ABLIM1: variants seen among roughly 807,000 people sequenced by gnomAD.
The protein encoded by ABLIM1 is actin-binding LIM protein 1.
A neutral mutation model predicts 107.0 loss-of-function variants in ABLIM1; 40 were observed. The ratio of observed to expected loss-of-function variants is 0.37; its 90% CI spans 0.29 to 0.49. The LOEUF (loss-of-function observed/expected upper bound fraction) is 0.49, where lower values mean the gene tolerates loss of function less well. ABLIM1 is among the 20% of genes least tolerant of loss of function. The probability of loss-of-function intolerance (pLI) is 0.97; values close to 1 mark genes in which losing one functional copy is unlikely to be tolerated. For synonymous variants in ABLIM1, 357 were observed against 357.3 expected (o/e 1.00, Z 0.01); for missense variants, 857 against 1,008.5 (o/e 0.85, Z 2.04).
intron 2 of ABLIM1, among the ~76,000 whole-genome samples, chr10:114,583,229 A>T (rs1175164872): frequency 6.6e-6 from 1 of 151,516 alleles, no homozygotes; most frequent in East Asian, 1.9e-4. Flanking sequence ...GATATGCAAG[A>T]AGCCAACAGA....
rs1185316501 is a variant in ABLIM1 at position 114,434,282 on chromosome 10, C to CAT, written c.*1977_*1978insAT. On this transcript the variant is annotated 3_prime_UTR_variant, in exon 23 of 23. Coordinates refer to ENST00000533213, the MANE Select transcript of ABLIM1 (RefSeq NM_002313.7). ...TTGCTAAACATGTTAGTAGATCCAA[C>CAT]ACACACACACACACACACACACACA... is the stretch of plus-strand genomic sequence containing the variant. 1.3e-4 allele frequency: 3 copies of CAT among 23,790 alleles called. No individual in the cohort carries two copies. Among genetic ancestry groups the CAT allele is most frequent in the Admixed American group, 1.1e-3 (3 of 2,776 alleles). 1.5% of individuals were successfully genotyped at this position (23,790 alleles called of 1,614,324 possible). A position where few individuals can be genotyped will look rare whatever the true frequency, so the allele number is the denominator to read the frequency against.
intron 15 of ABLIM1, among the ~76,000 whole-genome samples, chr10:114,445,833 C>T (rs2060934218): frequency 6.6e-6 from 1 of 152,176 alleles, no homozygotes; most frequent in African/African-American, 2.4e-5. Context: ...TACAGTGATG[C>T]AATCATGGCT....
intron 1 of ABLIM1, among the ~76,000 whole-genome samples, chr10:114,732,471 AC>A (rs879763090): frequency 1.3e-5 from 2 of 151,478 alleles, no homozygotes; most frequent in Admixed American, 6.6e-5. Context: ...TGAAAAATAG[AC>A]CCTTATCAGA....
At chr10:114,667,223 TG>T (rs2080063428) in intron 1 of ABLIM1, among the ~76,000 whole-genome samples, 1 of 152,218 alleles carries the variant, frequency 6.6e-6, no homozygotes, top group Admixed American at 6.5e-5. Flanking sequence ...TTAGAAGCAT[TG>T]GAAGTTTCCA....
intron 1 of ABLIM1, among the ~76,000 whole-genome samples, chr10:114,711,555 C>T (rs2081547670): frequency 6.6e-6 from 1 of 152,126 alleles, no homozygotes; most frequent in Admixed American, 6.6e-5. Context: ...TACAATCAAA[C>T]TGGAGAACTT....
intron 1 of ABLIM1, among the ~76,000 whole-genome samples, chr10:114,752,265 C>T (rs768263145): frequency 3.9e-5 from 6 of 152,154 alleles, no homozygotes; most frequent in Non-Finnish European, 5.9e-5. Context: ...CATGACCACA[C>T]AGCTGGAAGA....
chr10:114,495,829 G>A (rs1036077090), intron 6 of ABLIM1, among the ~76,000 whole-genome samples: 1 of 152,206 alleles, frequency 6.6e-6, no homozygotes, highest in Non-Finnish European at 1.5e-5. Flanking sequence ...TACAGTCACA[G>A]TTAGAACTGG....
At position 114,586,088 on chromosome 10, in the gene ABLIM1, T is replaced by C. The variant is rs1441148447; in HGVS notation, c.380-10489A>G. ...GCATCAGGTAAAGGGCATTTCTGCA[T>C]GACTTTAAGCCAGTAATTCCATCTT... On this transcript the variant is annotated intron_variant, in intron 2 of 22. Transcript: ENST00000533213. Among the ~76,000 whole-genome samples the C allele has an allele frequency of 2.6e-5, 4 of 152,312 alleles. No homozygotes were observed. The East Asian group carries it at 7.7e-4, about 29-fold the overall frequency.
In ABLIM1 at chr10:114,488,082, CA is replaced by C. The variant is rs2058443226; in HGVS notation, c.983-67del. On this transcript the variant is annotated intron_variant, in intron 7 of 22. Transcript: ENST00000533213. ...AAAGATACAAAGTCCTCTGAGACAG[CA>C]CTTCTGAGAATGGCTCCTATCCCTC... 2.0e-6 allele frequency: 3 copies of C among 1,527,914 alleles called. No individual in the cohort carries two copies. The African/African-American group carries it at 4.1e-5, about 21-fold the overall frequency. The allele number at this position is 1,527,914 out of a possible 1,614,324, so 94.6% of individuals were successfully genotyped here. A position where few individuals can be genotyped will look rare whatever the true frequency, so the allele number is the denominator to read the frequency against.
chr10:114,682,450 T>C (rs2080787213), intron 1 of ABLIM1, among the ~76,000 whole-genome samples: 1 of 152,238 alleles, frequency 6.6e-6, no homozygotes, highest in Admixed American at 6.5e-5. Flanking sequence ...GGGTCAGACT[T>C]ATTTATTACA....
At chr10:114,681,769 T>A (rs1225395682) in intron 1 of ABLIM1, among the ~76,000 whole-genome samples, 1 of 152,162 alleles carries the variant, frequency 6.6e-6, no homozygotes, top group Admixed American at 6.6e-5. Flanking sequence ...AGACAGAAGC[T>A]CCTAAGACTC....
chr10:114,704,294 CTCTCTCTCTATATATATA>C (rs1416905291), intron 1 of ABLIM1, among the ~76,000 whole-genome samples: 55 of 28,484 alleles, frequency 1.9e-3, no homozygotes, highest in African/African-American at 5.9e-3. Flanking sequence ...CTCTCTCTCT[CTCTCTCTCTATATATATA>C]TATATATATA....
chr10:114,761,053 C>T (rs2082734327), intron 1 of ABLIM1, among the ~76,000 whole-genome samples: 1 of 152,036 alleles, frequency 6.6e-6, no homozygotes, highest in South Asian at 2.1e-4. Flanking sequence ...AAACATGGCC[C>T]CCATATCACA....
chr10:114,739,558 T>C lies in ABLIM1; in HGVS notation c.-213+28503A>G, dbSNP rs1010705647. On this transcript the variant is annotated intron_variant, in intron 1 of 15. Transcript: ENST00000651092. ...GTATTAATTCTGGTATGTAGAACCATTGAGGCTGGATTTTTTTTTAACTTA... is the reference window on the plus strand; with the variant it reads ...GTATTAATTCTGGTATGTAGAACCACTGAGGCTGGATTTTTTTTTAACTTA... Among the ~76,000 whole-genome samples the C allele has an allele frequency of 3.9e-5, 6 of 152,238 alleles. No individual in the cohort carries two copies. In the East Asian group the frequency reaches 5.8e-4, roughly 15 times the overall value.
chr10:114,796,488 G>C, the ABLIM1 span, among the ~76,000 whole-genome samples: 1 of 152,182 alleles, frequency 6.6e-6, no homozygotes, highest in Non-Finnish European at 1.5e-5. Context: ...AACTAGACAA[G>C]AGTGAACACT....
intron 2 of ABLIM1, among the ~76,000 whole-genome samples, chr10:114,586,541 A>T (rs2139432971): frequency 6.6e-6 from 1 of 152,362 alleles, no homozygotes; most frequent in East Asian, 1.9e-4. Context: ...AAGGAAATCA[A>T]TGATCAACTC....
At chr10:114,537,504 G>A (rs559226030) in intron 6 of ABLIM1, among the ~76,000 whole-genome samples, 4 of 152,086 alleles carry the variant, frequency 2.6e-5, no homozygotes, top group Non-Finnish European at 5.9e-5. Context: ...ACCAACCTAA[G>A]AGATCTATTT....
intron 6 of ABLIM1, among the ~76,000 whole-genome samples, chr10:114,540,763 G>T (rs973570259): frequency 3.3e-5 from 5 of 152,150 alleles, no homozygotes; most frequent in African/African-American, 1.2e-4. Flanking sequence ...TCCTCTTAGG[G>T]CTCAGTGAGT....
intron 1 of ABLIM1, among the ~76,000 whole-genome samples, chr10:114,720,181 T>C (rs879447692): frequency 2.0e-5 from 3 of 152,196 alleles, no homozygotes; most frequent in Non-Finnish European, 2.9e-5. Context: ...GCTCTATCCA[T>C]GTCCCTGCAA....
Sources: allele counts gnomAD v4.1 joint callset (sites outside exome capture counted in the v4.1 genomes callset), GRCh38; gene constraint gnomAD v4.1.1; transcripts MANE v1.5; gene names NCBI Gene and HGNC (gene_info 2026-07-23, HGNC 2026-07-21).